SIPA1L1: variants seen among roughly 807,000 people sequenced by gnomAD.
The protein encoded by SIPA1L1 is signal-induced proliferation-associated 1-like protein 1.
Under a neutral mutation model 162.7 loss-of-function variants are expected in SIPA1L1, and 26 were observed. That is an observed-to-expected ratio of 0.16 (90% confidence interval 0.12 to 0.22). The LOEUF (loss-of-function observed/expected upper bound fraction) is 0.22. SIPA1L1 is among the 10% of genes least tolerant of loss of function. The pLI, the probability that SIPA1L1 is intolerant of heterozygous loss-of-function variation, is 1.00. For missense variants in SIPA1L1, 1,874 were observed against 2,241.0 expected, an observed-to-expected ratio of 0.84 and a Z score of 3.31; for synonymous variants, 829 against 837.4, an observed-to-expected ratio of 0.99 and a Z score of 0.17.
chr14:71,649,780 C>CTG (rs2042469736), intron 7 of SIPA1L1, among the ~76,000 whole-genome samples: 1 of 151,808 alleles, frequency 6.6e-6, no homozygotes, highest in South Asian at 2.1e-4. Context: ...GATAGTAGTG[C>CTG]TGTAACAAAG....
chr14:71,359,088 C>T (rs1386656319), intron 2 of SIPA1L1, among the ~76,000 whole-genome samples: 2 of 152,192 alleles, frequency 1.3e-5, no homozygotes, highest in Non-Finnish European at 2.9e-5. Context: ...CAAATCTCAT[C>T]TTGAATTGAG....
At chr14:71,597,721 A>G (rs763995239) in intron 5 of SIPA1L1, among the ~76,000 whole-genome samples, 9 of 152,152 alleles carry the variant, frequency 5.9e-5, no homozygotes, top group Non-Finnish European at 1.3e-4. Context: ...ATACACTGGA[A>G]TAGGTTACTC....
intron 7 of SIPA1L1, among the ~76,000 whole-genome samples, chr14:71,633,027 G>A (rs1045919236): frequency 6.6e-6 from 1 of 152,094 alleles, no homozygotes; most frequent in South Asian, 2.1e-4. Context: ...CCAACACTAA[G>A]ATGACACAGT....
At chr14:71,365,582 CAT>C (rs1314886637) in intron 2 of SIPA1L1, among the ~76,000 whole-genome samples, 1 of 152,090 alleles carries the variant, frequency 6.6e-6, no homozygotes, top group Non-Finnish European at 1.5e-5. Context: ...AAGTTTAGTA[CAT>C]GTTTAAATTA....
intron 7 of SIPA1L1, among the ~76,000 whole-genome samples, chr14:71,645,524 C>T (rs143329895): frequency 5.3e-5 from 8 of 152,276 alleles, no homozygotes; most frequent in East Asian, 3.9e-4. Flanking sequence ...TTTATATATA[C>T]GCTGCATTTC....
At chr14:71,322,451 C>G (rs1363788900) in intron 2 of SIPA1L1, among the ~76,000 whole-genome samples, 2 of 152,146 alleles carry the variant, frequency 1.3e-5, no homozygotes, top group Non-Finnish European at 1.5e-5. Flanking sequence ...TGCAATTAAG[C>G]TACCTTTACC....
intron 17 of SIPA1L1, among the ~76,000 whole-genome samples, chr14:71,721,402 C>T (rs139925078): frequency 2.6e-5 from 4 of 152,332 alleles, no homozygotes; most frequent in Admixed American, 1.3e-4. Flanking sequence ...TAGCACGGTA[C>T]GGGGTCCCAC....
At chr14:71,481,375 A>T (rs1050812392) in intron 2 of SIPA1L1, among the ~76,000 whole-genome samples, 14 of 152,286 alleles carry the variant, frequency 9.2e-5, no homozygotes, top group Non-Finnish European at 1.6e-4. Flanking sequence ...GCTACTTGGG[A>T]TGCTGAGGTG....
chr14:71,323,703 C>G (rs145394928), intron 2 of SIPA1L1, among the ~76,000 whole-genome samples: 51 of 152,000 alleles, frequency 3.4e-4, no homozygotes, highest in African/African-American at 1.1e-3. Flanking sequence ...TTCTTTTTTT[C>G]CCCATAGCAT....
At chr14:71,401,639 A>G (rs961766063) in intron 2 of SIPA1L1, among the ~76,000 whole-genome samples, 6 of 152,224 alleles carry the variant, frequency 3.9e-5, no homozygotes, top group Non-Finnish European at 7.4e-5. Flanking sequence ...TAATGTTCCC[A>G]TTTAACCCAA....
chr14:71,561,013 A>G (rs1224759685), intron 4 of SIPA1L1, among the ~76,000 whole-genome samples: 1 of 152,210 alleles, frequency 6.6e-6, no homozygotes, highest in African/African-American at 2.4e-5. Flanking sequence ...TAACACTCTA[A>G]AATTGAAATT....
At chr14:71,605,733 G>A (rs2037412197) in intron 5 of SIPA1L1, among the ~76,000 whole-genome samples, 1 of 152,178 alleles carries the variant, frequency 6.6e-6, no homozygotes, top group Non-Finnish European at 1.5e-5. Context: ...CCTAGGAGGT[G>A]GGCCAATCGT....
chr14:71,573,961 T>A, intron 4 of SIPA1L1: 1 of 302,336 alleles, frequency 3.3e-6, no homozygotes, highest in East Asian at 8.9e-5. Context: ...TTGTTTTAAC[T>A]GCAGTGATGC....
chr14:71,422,870 A>G (rs1327537494), intron 2 of SIPA1L1, among the ~76,000 whole-genome samples: 3 of 152,226 alleles, frequency 2.0e-5, no homozygotes, highest in African/African-American at 7.2e-5. Flanking sequence ...ATCATCTGGT[A>G]GTTCTATTAA....
intron 2 of SIPA1L1, among the ~76,000 whole-genome samples, chr14:71,510,372 G>A (rs2051040740): frequency 6.6e-6 from 1 of 151,748 alleles, no homozygotes; most frequent in Non-Finnish European, 1.5e-5. Context: ...ATTTTTAGTA[G>A]AGACAGGGTT....
chr14:71,400,650 T>G (rs921772389), intron 2 of SIPA1L1: 12 of 151,278 alleles, frequency 7.9e-5, no homozygotes, highest in Admixed American at 3.3e-4. Context: ...CATATATATG[T>G]TAATATGTAT....
At chr14:71,707,530 A>G (rs1268671822) in intron 16 of SIPA1L1, among the ~76,000 whole-genome samples, 1 of 152,178 alleles carries the variant, frequency 6.6e-6, no homozygotes, top group African/African-American at 2.4e-5. Context: ...CCTACTCTGG[A>G]CATTTCATAC....
intron 3 of SIPA1L1, among the ~76,000 whole-genome samples, chr14:71,517,117 C>G (rs1057503068): frequency 2.0e-5 from 3 of 151,228 alleles, no homozygotes; most frequent in Non-Finnish European, 4.4e-5. Context: ...TGTTTTATTT[C>G]GTTTAATCTA....
chr14:71,460,795 C>A (rs1156853448), intron 2 of SIPA1L1, among the ~76,000 whole-genome samples: 1 of 152,098 alleles, frequency 6.6e-6, no homozygotes, highest in Non-Finnish European at 1.5e-5. Flanking sequence ...AGAAACAGTA[C>A]CATATATTAT....
Sources: allele counts gnomAD v4.1 joint callset (sites outside exome capture counted in the v4.1 genomes callset), GRCh38; gene constraint gnomAD v4.1.1; transcripts MANE v1.5; gene names NCBI Gene and HGNC (gene_info 2026-07-23, HGNC 2026-07-21).